Variants in EIF2B3 observed in about 807,000 individuals in gnomAD.
EIF2B3 encodes the protein translation initiation factor eIF2B subunit gamma.
In EIF2B3, 20 loss-of-function variants were observed where a neutral mutation model predicts 54.1. The observed-to-expected ratio is 0.37, with a 90% CI of 0.26 to 0.54. The LOEUF (loss-of-function observed/expected upper bound fraction) is 0.54. Among genes scored for constraint, EIF2B3 ranks in the 20% least tolerant of loss-of-function variants. The pLI is 0.86. For synonymous variants in EIF2B3, 153 were observed against 188.1 expected (o/e 0.81, Z 1.52); for missense variants, 448 against 547.8 (o/e 0.82, Z 1.82).
Position 44,857,008 on chromosome 1 carries a change from T to A in EIF2B3, c.1306+696A>T, listed in dbSNP as rs529890409. 1.1e-4 allele frequency among the ~76,000 whole-genome samples: 17 copies of A among 152,134 alleles called. No individual in the cohort carries two copies. In the East Asian group the frequency reaches 3.3e-3, roughly 29 times the overall value. ...TTTGTAGAGATGGGTTCCTGCTATG[T>A]TGTCTAGGCTCAAGCGATCCTCACA... On this transcript the variant is annotated intron_variant, in intron 11 of 11. Transcript: ENST00000360403.
chr1:44,984,795 A>ACCT (rs1557718626), intron 1 of EIF2B3, among the ~76,000 whole-genome samples: 1 of 80,470 alleles, frequency 1.2e-5, no homozygotes, highest in Non-Finnish European at 2.1e-5. Flanking sequence ...AATAATGTCC[A>ACCT]TCTTTTTTTT....
At chr1:44,901,160 G>A (rs1415419337) in intron 5 of EIF2B3, among the ~76,000 whole-genome samples, 1 of 151,874 alleles carries the variant, frequency 6.6e-6, no homozygotes, top group African/African-American at 2.4e-5. Context: ...TTGTTGCCCA[G>A]GCTGGAGTGG....
intron 3 of EIF2B3, among the ~76,000 whole-genome samples, chr1:44,945,602 A>T (rs1195633358): frequency 7.0e-6 from 1 of 142,854 alleles, no homozygotes; most frequent in Admixed American, 7.0e-5. Flanking sequence ...AAAAAAAAAA[A>T]CCCTACACCT....
chr1:44,884,527 T>C (rs1259272020), intron 6 of EIF2B3, among the ~76,000 whole-genome samples: 1 of 152,210 alleles, frequency 6.6e-6, no homozygotes, highest in Non-Finnish European at 1.5e-5. Context: ...TTTGAAAAAT[T>C]CTGTGTTAAG....
intron 5 of EIF2B3, among the ~76,000 whole-genome samples, chr1:44,921,639 G>T (rs968722459): frequency 6.6e-6 from 1 of 152,140 alleles, no homozygotes; most frequent in Admixed American, 6.6e-5. Context: ...ATTTATTGAA[G>T]AGATTGTCCT....
rs370032685 is a variant in EIF2B3 at position 44,887,684 on chromosome 1, A to G, written c.657-5945T>C. 5.9e-5 allele frequency among the ~76,000 whole-genome samples: 9 copies of G among 152,318 alleles called. No individual in the cohort carries two copies. The East Asian group carries it at 1.7e-3, about 29-fold the overall frequency. On this transcript the variant is annotated intron_variant, in intron 6 of 11. Coordinates refer to ENST00000360403, the MANE Select transcript of EIF2B3 (RefSeq NM_020365.5). ...CCGGGCGCGATGGCTCACATCTGTA[A>G]TCCCAGCACTTTGGGAGGCCAAGGC... is the stretch of plus-strand genomic sequence containing the variant.
chr1:44,902,757 G>A (rs1643334084), intron 5 of EIF2B3, among the ~76,000 whole-genome samples: 1 of 146,154 alleles, frequency 6.8e-6, no homozygotes, highest in Non-Finnish European at 1.5e-5. Context: ...GAGCCCAGGA[G>A]CTCGAGGCTG....
chr1:44,857,976 G>C (rs1654489749), intron 10 of EIF2B3, among the ~76,000 whole-genome samples, 169 bp from the exon 11 acceptor site: 1 of 151,960 alleles, frequency 6.6e-6, no homozygotes, highest in African/African-American at 2.4e-5. Flanking sequence ...GCCAAGGGAG[G>C]ACCTGGCTTC....
At chr1:44,943,904 G>A (rs1394992892) in intron 3 of EIF2B3, among the ~76,000 whole-genome samples, 1 of 152,042 alleles carries the variant, frequency 6.6e-6, no homozygotes, top group African/African-American at 2.4e-5. Flanking sequence ...CAGCATTTTG[G>A]GACGCCAAGG....
intron 11 of EIF2B3, among the ~76,000 whole-genome samples, chr1:44,855,048 A>G (rs1347633633): frequency 6.6e-6 from 1 of 151,362 alleles, no homozygotes; most frequent in African/African-American, 2.4e-5. Flanking sequence ...TGAGTGCTGC[A>G]CTGATGGTTA....
intron 1 of EIF2B3, 62 bp from the exon 2 acceptor site, chr1:44,981,239 A>C: frequency 6.4e-7 from 1 of 1,556,170 alleles, no homozygotes; most frequent in Non-Finnish European, 8.8e-7. Context: ...CAAAGCACAC[A>C]TACTACTAGC....
intron 3 of EIF2B3, among the ~76,000 whole-genome samples, chr1:44,973,584 G>C (rs1353916937): frequency 2.0e-5 from 3 of 151,974 alleles, no homozygotes. Context: ...TGCACCTGTA[G>C]TTCCAGCTAC....
Position 44,873,202 on chromosome 1 carries a change from A to G in EIF2B3, c.1202+1476T>C, listed in dbSNP as rs75440185. On this transcript the variant is annotated intron_variant, in intron 10 of 11. Coordinates refer to ENST00000360403, the MANE Select transcript of EIF2B3 (RefSeq NM_020365.5). The stretch of plus-strand genomic sequence containing the variant: ...ATATTTTTGGCCAACTGATATTAGT[A>G]GTTTAAAGCAAATACTTCTGAAGAT... Among the ~76,000 whole-genome samples, 1,159 of 152,330 alleles carry G rather than the reference A, an allele frequency of 7.6e-3. 12 individuals are homozygous for G. The highest frequency in any genetic ancestry group is 0.026 in the African/African-American group (1,094 of 41,566).
chr1:44,856,622 G>A (rs1372661013), intron 11 of EIF2B3, among the ~76,000 whole-genome samples: 3 of 151,038 alleles, frequency 2.0e-5, no homozygotes, highest in African/African-American at 7.3e-5. Context: ...GATGTGAACT[G>A]AGGTCTGTTT....
intron 1 of EIF2B3, 57 bp from the exon 2 acceptor site, chr1:44,981,234 C>A: frequency 6.4e-7 from 1 of 1,573,722 alleles, no homozygotes; most frequent in Non-Finnish European, 8.7e-7. Flanking sequence ...AAAATCAAAG[C>A]ACACATACTA....
intron 1 of EIF2B3, among the ~76,000 whole-genome samples, chr1:44,981,796 G>A (rs1192777303): frequency 2.0e-5 from 3 of 151,910 alleles, no homozygotes; most frequent in East Asian, 3.9e-4. Context: ...AATTAGCCAG[G>A]GGTGGTGGCT....
chr1:44,883,537 C>T (rs1655479952), intron 6 of EIF2B3, among the ~76,000 whole-genome samples: 1 of 152,146 alleles, frequency 6.6e-6, no homozygotes, highest in Non-Finnish European at 1.5e-5. Context: ...CCATCCAAAA[C>T]TGGGCTCAGC....
At chr1:44,858,656 G>T (rs1278473130) in intron 10 of EIF2B3, among the ~76,000 whole-genome samples, 1 of 151,736 alleles carries the variant, frequency 6.6e-6, no homozygotes, top group African/African-American at 2.4e-5. Flanking sequence ...GTACAGATAG[G>T]GTTTCACCAT....
chr1:44,864,812 T>G (rs1283066583), intron 10 of EIF2B3, among the ~76,000 whole-genome samples: 1 of 152,220 alleles, frequency 6.6e-6, no homozygotes, highest in Admixed American at 6.5e-5. Context: ...TTTTCTTTCC[T>G]TGTAGGGATG....
Sources: allele counts gnomAD v4.1 joint callset (sites outside exome capture counted in the v4.1 genomes callset), GRCh38; gene constraint gnomAD v4.1.1; transcripts MANE v1.5; gene names NCBI Gene and HGNC (gene_info 2026-07-23, HGNC 2026-07-21).